Variants in RBM20 observed in about 807,000 individuals in gnomAD.
RBM20 encodes RNA binding motif protein 20, also known as RNA-binding protein 20.
A neutral mutation model predicts 110.1 loss-of-function variants in RBM20; 51 were observed. That is an observed-to-expected ratio of 0.46 (90% CI 0.37 to 0.59). The LOEUF (loss-of-function observed/expected upper bound fraction) is 0.59. Ranked by LOEUF, RBM20 falls within the 20% of genes least tolerant of loss-of-function variation. The probability of loss-of-function intolerance (pLI) is 0.00; values close to 1 mark genes in which losing one functional copy is unlikely to be tolerated. For synonymous variants in RBM20, 589 were observed against 618.2 expected (o/e 0.95, Z 0.70); for missense variants, 1,512 against 1,574.9 (o/e 0.96, Z 0.68).
At chr10:110,717,311 T>C (rs1863034065) in intron 1 of RBM20, among the ~76,000 whole-genome samples, 1 of 152,180 alleles carries the variant, frequency 6.6e-6, no homozygotes, top group African/African-American at 2.4e-5. Flanking sequence ...GTTGGGACCT[T>C]CAAATCTCAT....
chr10:110,697,276 G>A (rs564548167), intron 1 of RBM20, among the ~76,000 whole-genome samples: 48 of 152,294 alleles, frequency 3.2e-4, no homozygotes, highest in African/African-American at 6.5e-4. Flanking sequence ...GTGTCCATGC[G>A]TCAGTATCCC....
intron 1 of RBM20, among the ~76,000 whole-genome samples, chr10:110,667,901 T>C (rs1862202277): frequency 6.6e-6 from 1 of 151,988 alleles, no homozygotes; most frequent in Admixed American, 6.6e-5. Flanking sequence ...TGGGTGTGAG[T>C]GAGTGGTGCA....
chr10:110,654,047 G>A (rs1023346260), intron 1 of RBM20, among the ~76,000 whole-genome samples: 5 of 152,122 alleles, frequency 3.3e-5, no homozygotes, highest in South Asian at 2.1e-4. Flanking sequence ...GGCGGCCACC[G>A]GATTGCTCCA....
chr10:110,669,915 T>C (rs1295636146), intron 1 of RBM20, among the ~76,000 whole-genome samples: 1 of 152,266 alleles, frequency 6.6e-6, no homozygotes, highest in Non-Finnish European at 1.5e-5. Flanking sequence ...AAACTCCTGA[T>C]TAAAGGTTGC....
intron 1 of RBM20, among the ~76,000 whole-genome samples, chr10:110,672,779 C>G (rs1426879544): frequency 6.6e-6 from 1 of 152,208 alleles, no homozygotes; most frequent in Non-Finnish European, 1.5e-5. Context: ...TCAAATAAAG[C>G]TTGACACATA....
chr10:110,718,623 T>C lies in RBM20; in HGVS notation c.192-62178T>C, dbSNP rs77719195. Among the ~76,000 whole-genome samples, 59 of 140,124 alleles carry C rather than the reference T, an allele frequency of 4.2e-4. No individual in the cohort carries two copies. In the South Asian group the frequency reaches 4.9e-3, roughly 12 times the overall value. The allele number at this position is 140,124 out of a possible 152,430, so 91.9% of individuals were successfully genotyped here. ...CTACTCCATTCTTTTTTTTTTTTTCTTTTTTTTTTTTTTAGTCTCACTCTG... is the reference window on the plus strand; with the variant it reads ...CTACTCCATTCTTTTTTTTTTTTTCCTTTTTTTTTTTTTAGTCTCACTCTG... On this transcript the variant is annotated intron_variant, in intron 1 of 13. Transcript: ENST00000369519.
At chr10:110,728,157 G>A (rs565591006) in intron 1 of RBM20, among the ~76,000 whole-genome samples, 2 of 152,194 alleles carry the variant, frequency 1.3e-5, no homozygotes, top group East Asian at 3.9e-4. Context: ...AATCCTTTAG[G>A]TATATACCCA....
At position 110,823,609 on chromosome 10, in the gene RBM20, C is replaced by T; in HGVS notation, c.3446C>T (p.Pro1149Leu). The change falls in exon 12 of 14, where the codon CCT becomes CTT. Residue 1149 changes from proline to leucine, a missense_variant. Physicochemically the swap from Pro to Leu is moderately conservative, Grantham distance 98 (BLOSUM62 -3). Around this residue, in one of 3 missense-constraint regions of RBM20, gnomAD observed 358 missense variants for 384.2 expected, o/e 0.93. Coordinates refer to ENST00000369519, the MANE Select transcript of RBM20 (RefSeq NM_001134363.3). ...GATGTGTTCAGTGAACTTAGCATTC[C>T]TCTAGGTAAGCAAAACACACAGTCT... ...PEDVFSELSI[P>L]LGVEFVVPRT... is the part of the protein sequence containing the mutation. 2 of 1,551,358 alleles carry T rather than the reference C, an allele frequency of 1.3e-6. No individual in the cohort carries two copies. The highest frequency in any genetic ancestry group is 1.7e-6 in the Non-Finnish European group (2 of 1,146,886).
Position 110,723,090 on chromosome 10 carries a change from C to T in RBM20, c.192-57711C>T, listed in dbSNP as rs181265542. On this transcript the variant is annotated intron_variant, in intron 1 of 13. Coordinates refer to ENST00000369519, the MANE Select transcript of RBM20 (RefSeq NM_001134363.3). ...TCACCTCACTGCACTCCAGCCTGGG[C>T]GCCAGAGCGAGACTCCATCTAAAAA... Among the ~76,000 whole-genome samples the T allele has an allele frequency of 2.8e-3, 416 of 147,000 alleles. 4 individuals are homozygous for T. The highest frequency in any genetic ancestry group is 9.6e-3 in the African/African-American group (376 of 39,256).
chr10:110,763,241 C>T (rs767744079), intron 1 of RBM20, among the ~76,000 whole-genome samples: 1 of 152,080 alleles, frequency 6.6e-6, no homozygotes, highest in African/African-American at 2.4e-5. Flanking sequence ...AAACGTCACA[C>T]ACCGGGTCTG....
chr10:110,760,077 TG>T (rs1843975591), intron 1 of RBM20, among the ~76,000 whole-genome samples: 3 of 152,240 alleles, frequency 2.0e-5, no homozygotes, highest in Non-Finnish European at 4.4e-5. Context: ...TTGATGACCT[TG>T]GTCCCTCTGA....
rs560013114 is a variant in RBM20 at position 110,740,333 on chromosome 10, T to C, written c.192-40468T>C. Among the ~76,000 whole-genome samples the C allele has an allele frequency of 1.1e-4, 16 of 152,146 alleles. No individual in the cohort carries two copies. In the South Asian group the frequency reaches 3.1e-3, roughly 30 times the overall value. On this transcript the variant is annotated intron_variant, in intron 1 of 13. Transcript: ENST00000369519. Reference sequence around the variant, plus strand: ...ACTGTGTCGGAGATAGAAAACAACATTTTTTTTAAGTTGGGTGTTTTTGAA... The same window carrying C: ...ACTGTGTCGGAGATAGAAAACAACACTTTTTTTAAGTTGGGTGTTTTTGAA...
rs367624745 is a variant in RBM20, at chr10:110,776,885, GTAGA to G, written c.192-3912_192-3909del. 8.3e-3 allele frequency among the ~76,000 whole-genome samples: 1,261 copies of G among 152,298 alleles called. 14 individuals are homozygous for G. The highest frequency in any genetic ancestry group is 0.029 in the African/African-American group (1,199 of 41,568). On this transcript the variant is annotated intron_variant, in intron 1 of 13. Transcript: ENST00000369519. ...AGCTCCTGCATTGGAGTGGGAAATTGTAGATAGTGACCTAGGAAGGTGACTTTGT... is the reference window on the plus strand; with the variant it reads ...AGCTCCTGCATTGGAGTGGGAAATTGTAGTGACCTAGGAAGGTGACTTTGT...
intron 12 of RBM20, among the ~76,000 whole-genome samples, chr10:110,829,657 T>C (rs1334114386): frequency 6.6e-6 from 1 of 152,206 alleles, no homozygotes; most frequent in Admixed American, 6.5e-5. Flanking sequence ...TGCTTCCTTC[T>C]GACAGGGTCT....
chr10:110,715,925 TC>T (rs775076202), intron 1 of RBM20, among the ~76,000 whole-genome samples: 1 of 152,132 alleles, frequency 6.6e-6, no homozygotes, highest in Admixed American at 6.5e-5. Context: ...GAAAGCGTAA[TC>T]CCCCTGTGTG....
rs78200557 is a variant in RBM20, at chr10:110,665,855, C to T, written c.191+21210C>T. Reference sequence around the variant, plus strand: ...CAGAAGTTGGCTGGGTGTTGTGGCTCATGGTCGTCCAGCACTTTGGGAGGC... The same window carrying T: ...CAGAAGTTGGCTGGGTGTTGTGGCTTATGGTCGTCCAGCACTTTGGGAGGC... On this transcript the variant is annotated intron_variant, in intron 1 of 13. Coordinates refer to ENST00000369519, the MANE Select transcript of RBM20 (RefSeq NM_001134363.3). 3.2e-3 allele frequency among the ~76,000 whole-genome samples: 487 copies of T among 152,184 alleles called. 1 individual carries two copies. Among genetic ancestry groups the T allele is most frequent in the African/African-American group, 0.011 (459 of 41,514 alleles).
At chr10:110,788,719 C>T (rs188458486) in intron 5 of RBM20, among the ~76,000 whole-genome samples, 1 of 152,306 alleles carries the variant, frequency 6.6e-6, no homozygotes, top group East Asian at 1.9e-4. Flanking sequence ...TTGAAAAATA[C>T]TTTGCAAGTC....
chr10:110,747,035 A>G (rs1843789103), intron 1 of RBM20, among the ~76,000 whole-genome samples: 1 of 152,170 alleles, frequency 6.6e-6, no homozygotes, highest in Non-Finnish European at 1.5e-5. Context: ...AGTCTAGTCC[A>G]TTGTATTGTG....
chr10:110,732,047 G>A (rs1165078019), intron 1 of RBM20, among the ~76,000 whole-genome samples: 1 of 152,084 alleles, frequency 6.6e-6, no homozygotes, highest in African/African-American at 2.4e-5. Context: ...TTTCTAAAAG[G>A]ACTGTGCATC....
Sources: allele counts gnomAD v4.1 joint callset (sites outside exome capture counted in the v4.1 genomes callset), GRCh38; gene constraint gnomAD v4.1.1; regional missense constraint gnomAD v4.1.1; transcripts MANE v1.5; gene names NCBI Gene and HGNC (gene_info 2026-07-23, HGNC 2026-07-21).